Variants in MSI1 observed in about 807,000 individuals in gnomAD.
MSI1 encodes the protein musashi RNA binding protein 1, also known as RNA-binding protein Musashi homolog 1.
MSI1 carries 15 observed loss-of-function variants against 54.4 expected under a neutral mutation model. The observed-to-expected ratio is 0.28, with a 90% CI of 0.18 to 0.42. The LOEUF is 0.42. Ranked by LOEUF, MSI1 falls within the 20% of genes least tolerant of loss-of-function variation. The probability of loss-of-function intolerance (pLI) is 1.00; values close to 1 mark genes in which losing one functional copy is unlikely to be tolerated. For synonymous variants in MSI1, 200 were observed against 196.5 expected (o/e 1.02, Z -0.15); for missense variants, 304 against 506.0 (o/e 0.60, Z 3.83).
rs574347565 is a variant in MSI1, at chr12:120,361,571, G to A, written c.402+1472C>T. On this transcript the variant is annotated intron_variant, in intron 6 of 14. Transcript: ENST00000257552. ...TAGGCTTTGGTCTCCATGGGAACCC[G>A]AGGGCAGGGGGGATCGGGCGGGGGG... 2.0e-3 allele frequency: 307 copies of A among 151,722 alleles called. 2 individuals carry two copies. The highest frequency in any genetic ancestry group is 3.2e-3 in the Non-Finnish European group (217 of 67,854). The allele number at this position is 151,722 out of a possible 1,614,324, so 9.4% of individuals were successfully genotyped here.
chr12:120,363,435 C>G (rs1465172038), intron 5 of MSI1, among the ~76,000 whole-genome samples: 1 of 152,142 alleles, frequency 6.6e-6, no homozygotes. Context: ...GGGCCAGTGA[C>G]CCAGACCCAC....
chr12:120,345,302 C>G (rs138176161), intron 14 of MSI1, among the ~76,000 whole-genome samples: 2 of 152,012 alleles, frequency 1.3e-5, no homozygotes, highest in African/African-American at 2.4e-5. Context: ...GGTGACAGAA[C>G]GATATCTTGT....
intron 9 of MSI1, among the ~76,000 whole-genome samples, chr12:120,355,669 C>T (rs1296144533): frequency 6.6e-6 from 1 of 152,068 alleles, no homozygotes; most frequent in Non-Finnish European, 1.5e-5. Flanking sequence ...AAAATGGGGG[C>T]AAAATGTTAA....
chr12:120,352,302 C>T (rs534060518), intron 10 of MSI1, among the ~76,000 whole-genome samples: 11 of 152,244 alleles, frequency 7.2e-5, no homozygotes, highest in African/African-American at 2.4e-4. Flanking sequence ...TCACCATGTC[C>T]AGGCTCGGGT....
At chr12:120,356,562 G>A (rs1378691735) in intron 9 of MSI1, among the ~76,000 whole-genome samples, 2 of 152,188 alleles carry the variant, frequency 1.3e-5, no homozygotes, top group African/African-American at 4.8e-5. Flanking sequence ...CATAATGTCT[G>A]GCATATAGAG....
rs1403830281 is a variant in MSI1 at position 120,342,680 on chromosome 12, G to A, written c.*447C>T. On this transcript the variant is annotated 3_prime_UTR_variant, in exon 15 of 15. Transcript: ENST00000257552. ...AAAAAAAAAAAAAAAAAAAGGGAAA[G>A]GGTAAAGGAGGGGAAATCTGAATAA... The A allele has an allele frequency of 6.6e-6, 1 of 150,700 alleles. No homozygotes were observed. Among genetic ancestry groups the A allele is most frequent in the Non-Finnish European group, 1.5e-5 (1 of 67,684 alleles). 9.3% of individuals were successfully genotyped at this position (150,700 alleles called of 1,614,324 possible). A position where few individuals can be genotyped will look rare whatever the true frequency, so the allele number is the denominator to read the frequency against.
At chr12:120,350,089 A>T (rs1353852836) in intron 11 of MSI1, among the ~76,000 whole-genome samples, 1 of 152,086 alleles carries the variant, frequency 6.6e-6, no homozygotes, top group East Asian at 1.9e-4. Context: ...TGATGCAATC[A>T]TGGCTCACCG....
intron 8 of MSI1, among the ~76,000 whole-genome samples, chr12:120,357,469 G>A (rs532961116): frequency 2.0e-5 from 3 of 152,210 alleles, no homozygotes; most frequent in East Asian, 1.9e-4. Context: ...CTGTGCCTGC[G>A]CTCCATCCAA....
rs538400740 is a variant in MSI1 at position 120,345,378 on chromosome 12, C to T, written c.*21+192G>A. 6.6e-5 allele frequency among the ~76,000 whole-genome samples: 10 copies of T among 152,236 alleles called. No homozygotes were observed. The South Asian group carries it at 1.0e-3, about 16-fold the overall frequency. ...GGTGGGATGTGAAGCCTTACTGTTG[C>T]TTTGATTTCTGTGTTTAAATGGAGT... is the stretch of plus-strand genomic sequence containing the variant. On this transcript the variant is annotated intron_variant, in intron 14 of 14. Coordinates refer to ENST00000257552, the MANE Select transcript of MSI1 (RefSeq NM_002442.4).
At position 120,357,902 on chromosome 12, in the gene MSI1, G is replaced by C; in HGVS notation, c.452-4C>G. 3.1e-6 allele frequency: 5 copies of C among 1,614,092 alleles called. No homozygotes were observed. The highest frequency in any genetic ancestry group is 4.2e-6 in the Non-Finnish European group (5 of 1,180,010). On this transcript the variant is annotated splice_polypyrimidine_tract_variant and splice_region_variant and intron_variant, in intron 7 of 14. Transcript: ENST00000257552. ...TCAAACGTGACAAACCCGAACCCTA[G>C]AGGTTGGACAAAGGATAAAGGCAAG...
At chr12:120,339,720 C>A, downstream of MSI1, among the ~76,000 whole-genome samples, 1 of 151,986 alleles carries the variant, frequency 6.6e-6, no homozygotes, top group South Asian at 2.1e-4. Context: ...AAGGCAACAT[C>A]CTTATCTTCG....
rs1054246238 is a variant in MSI1, at chr12:120,346,331, C to T, written c.860-9G>A. 1.3e-6 allele frequency: 2 copies of T among 1,522,194 alleles called. No individual in the cohort carries two copies. Among genetic ancestry groups the T allele is most frequent in the Non-Finnish European group, 1.8e-6 (2 of 1,132,774 alleles). The allele number at this position is 1,522,194 out of a possible 1,614,324, so 94.3% of individuals were successfully genotyped here. On this transcript the variant is annotated splice_polypyrimidine_tract_variant and intron_variant, in intron 12 of 14. Transcript: ENST00000257552. The stretch of plus-strand genomic sequence containing the variant: ...CGTCCAGGGGTGAGAGCCTGGCAAC[C>T]CAGAAAGAAGACGGTGATAGCCCTG...
intron 4 of MSI1, among the ~76,000 whole-genome samples, chr12:120,367,785 GGGGA>G (rs1409626850): frequency 1.3e-5 from 2 of 151,996 alleles, no homozygotes; most frequent in African/African-American, 4.8e-5. Context: ...ACCAGGACTA[GGGGA>G]GGGGGGATGT....
In MSI1 at chr12:120,341,998, G is replaced by A. The variant is rs1188658040; in HGVS notation, c.*1129C>T. The A allele has an allele frequency of 6.5e-6, 1 of 152,782 alleles. No homozygotes were observed. Among genetic ancestry groups the A allele is most frequent in the African/African-American group, 2.4e-5 (1 of 41,432 alleles). 9.5% of individuals were successfully genotyped at this position (152,782 alleles called of 1,614,324 possible). A position where few individuals can be genotyped will look rare whatever the true frequency, so the allele number is the denominator to read the frequency against. ...GGGACTCTGGCTGTGGGGTCATCCTGGTGGGAAACTTCAGTGAGAGAATGT... is the reference window on the plus strand; with the variant it reads ...GGGACTCTGGCTGTGGGGTCATCCTAGTGGGAAACTTCAGTGAGAGAATGT... On this transcript the variant is annotated 3_prime_UTR_variant, in exon 15 of 15. Coordinates refer to ENST00000257552, the MANE Select transcript of MSI1 (RefSeq NM_002442.4).
In MSI1 at chr12:120,346,257, C is replaced by T; in HGVS notation, c.925G>A (p.Gly309Arg). Residue 309 changes from glycine to arginine, a missense_variant, in exon 13 of 15, where the codon GGG becomes AGG. This residue lies in a region of MSI1 where 147 missense variants were observed against 231.5 expected (regional missense o/e 0.64). Transcript: ENST00000257552. ...GCCATGGGGCCGGGGCTGGTGGTCC[C>T]CAGGAAGCCCCCTGTGCGGCTGGGA... is the stretch of plus-strand genomic sequence containing the variant. Reference protein sequence around the residue: ...STPSRTGGFLGTTSPGPMAEL... With the variant: ...STPSRTGGFLRTTSPGPMAEL... 3.1e-6 allele frequency: 5 copies of T among 1,592,982 alleles called. No homozygotes were observed. Among genetic ancestry groups the T allele is most frequent in the Non-Finnish European group, 4.3e-6 (5 of 1,170,356 alleles).
intron 11 of MSI1, 77 bp downstream of exon 11, chr12:120,351,267 T>C: frequency 7.4e-7 from 1 of 1,354,342 alleles, no homozygotes; most frequent in African/African-American, 1.4e-5. Flanking sequence ...CCCGCTAGCT[T>C]TCCCCAGGAA....
intron 6 of MSI1, 86 bp downstream of exon 6, chr12:120,362,957 A>C: frequency 1.7e-6 from 2 of 1,161,036 alleles, no homozygotes; most frequent in Non-Finnish European, 2.6e-6. Flanking sequence ...CAGGAATGGA[A>C]TGACCTGGCT....
intron 11 of MSI1, among the ~76,000 whole-genome samples, chr12:120,348,671 G>C (rs974945164): frequency 6.6e-6 from 1 of 151,950 alleles, no homozygotes; most frequent in East Asian, 1.9e-4. Flanking sequence ...ATCACCTGAA[G>C]TCGGGAGTTC....
chr12:120,367,749 A>T (rs1304520660), intron 4 of MSI1, among the ~76,000 whole-genome samples: 1 of 151,844 alleles, frequency 6.6e-6, no homozygotes, highest in Admixed American at 6.6e-5. Context: ...ACTTCTAGGG[A>T]GAGGGTGGCG....
Sources: allele counts gnomAD v4.1 joint callset (sites outside exome capture counted in the v4.1 genomes callset), GRCh38; gene constraint gnomAD v4.1.1; regional missense constraint gnomAD v4.1.1; transcripts MANE v1.5; gene names NCBI Gene and HGNC (gene_info 2026-07-23, HGNC 2026-07-21).